HSD17B4: variants seen among roughly 807,000 people sequenced by gnomAD.
HSD17B4 encodes peroxisomal multifunctional enzyme type 2.
Under a neutral mutation model 101.0 loss-of-function variants are expected in HSD17B4, and 70 were observed. That is an observed-to-expected ratio of 0.69 (90% CI 0.57 to 0.85). HSD17B4 has a LOEUF of 0.85. HSD17B4 is among the 40% of genes least tolerant of loss of function. HSD17B4 has a pLI of 0.00. For missense variants in HSD17B4, 984 were observed against 892.4 expected, an observed-to-expected ratio of 1.10 and a Z score of -1.31; for synonymous variants, 347 against 297.1, an observed-to-expected ratio of 1.17 and a Z score of -1.73.
chr5:119,459,560 T>C (rs1243974927), intron 2 of HSD17B4, among the ~76,000 whole-genome samples: 1 of 152,192 alleles, frequency 6.6e-6, no homozygotes. Flanking sequence ...GGGTAATGTA[T>C]TTTAAAAAAG....
intron 2 of HSD17B4, among the ~76,000 whole-genome samples, chr5:119,461,590 C>T (rs1385795767): frequency 6.6e-6 from 1 of 151,954 alleles, no homozygotes; most frequent in Non-Finnish European, 1.5e-5. Flanking sequence ...TTTAGAATTC[C>T]TTGGATCCTG....
At chr5:119,475,785 A>G (rs773104281) in intron 5 of HSD17B4, 39 bp from the exon 6 acceptor site, 3 of 1,581,430 alleles carry the variant, frequency 1.9e-6, no homozygotes, top group African/African-American at 1.3e-5. Context: ...AAAAGTATAT[A>G]CTTTCCTCCT....
At chr5:119,541,848 A>G (rs1755018062) in intron 23 of HSD17B4, 57 bp from the exon 24 acceptor site, 1 of 1,037,316 alleles carries the variant, frequency 9.6e-7, no homozygotes, top group Non-Finnish European at 1.5e-6. Context: ...AAAAAAAAAA[A>G]GAAATAAACT....
chr5:119,516,218 A>G (rs988569619), intron 17 of HSD17B4, among the ~76,000 whole-genome samples: 2 of 152,108 alleles, frequency 1.3e-5, no homozygotes, highest in African/African-American at 2.4e-5. Context: ...ACTGTTTCTT[A>G]TGAATTTCTT....
At chr5:119,503,077 TGTGTG>T (rs1040565852) in intron 14 of HSD17B4, among the ~76,000 whole-genome samples, 6 of 42,454 alleles carry the variant, frequency 1.4e-4, no homozygotes, top group Admixed American at 3.9e-4. Context: ...CCTTGGAAAT[TGTGTG>T]TGTGTGTGTG....
chr5:119,463,655 CTT>C (rs57252147), intron 2 of HSD17B4, among the ~76,000 whole-genome samples: 838 of 29,324 alleles, frequency 0.029, 13 homozygotes, highest in East Asian at 0.24. Context: ...ATTTATATGT[CTT>C]TTTTTTTTTT....
At chr5:119,465,185 C>G (rs139210212) in intron 2 of HSD17B4, among the ~76,000 whole-genome samples, 2 of 152,230 alleles carry the variant, frequency 1.3e-5, no homozygotes, top group East Asian at 3.9e-4. Context: ...TTCTTCCAAT[C>G]CATGAATGGG....
intron 17 of HSD17B4, among the ~76,000 whole-genome samples, chr5:119,519,981 C>G (rs1443012702): frequency 6.6e-6 from 1 of 152,168 alleles, no homozygotes; most frequent in African/African-American, 2.4e-5. Context: ...GAAAAGACTC[C>G]TTTGAACTTT....
chr5:119,506,836 C>T lies in HSD17B4; in HGVS notation c.1280C>T (p.Ala427Val), dbSNP rs28943590. ...TTTCTAGGAAAATTAAAATGTGAAG[C>T]AGTTGTTGCTGATGTCCTAGATAAA... ...LPRAGKLKCE[A>V]VVADVLDKGS... The change falls in exon 15 of 24, where the codon GCA (alanine) becomes GTA (valine). Residue 427 changes from alanine (A) to valine (V), a missense_variant. Transcript: ENST00000510025. 6.3e-5 allele frequency: 99 copies of T among 1,581,978 alleles called. No individual in the cohort carries two copies. In the Admixed American group the frequency reaches 1.6e-3, roughly 25 times the overall value.
At chr5:119,525,794 A>G in intron 18 of HSD17B4, 123 bp from the exon 19 acceptor site, 1 of 696,526 alleles carries the variant, frequency 1.4e-6, no homozygotes, top group Non-Finnish European at 2.6e-6. Context: ...GTGTTTCTTA[A>G]AATAGATGGT....
At position 119,525,713 on chromosome 5, in the gene HSD17B4, G is replaced by GTT. The variant is rs748728829; in HGVS notation, c.1574-193_1574-192dup. 0.078 allele frequency: 37,477 copies of GTT among 479,958 alleles called. 2,216 individuals are homozygous for GTT. Among genetic ancestry groups the GTT allele is most frequent in the African/African-American group, 0.28 (13,335 of 48,272 alleles). 29.7% of individuals were successfully genotyped at this position (479,958 alleles called of 1,614,324 possible). On this transcript the variant is annotated intron_variant, in intron 18 of 23. Transcript: ENST00000510025. ...ATCTCTCACATTCTTTTCCTGTTTT[G>GTT]TTTTTTTTTTTTCTTTCTTTCTTTA... is the stretch of plus-strand genomic sequence containing the variant.
chr5:119,499,509 G>A lies in HSD17B4; in HGVS notation c.1165G>A (p.Gly389Arg), dbSNP rs1750961567. ...CATAGGTCAGAAATCTATGATGGGT[G>A]GAGGATTAGCAGAAATTCCTGGACT... is the stretch of plus-strand genomic sequence containing the variant. ...VIIGQKSMMG[G>R]GLAEIPGLSI... The change falls in exon 13 of 24, where the codon GGA (glycine) becomes AGA (arginine). Residue 389 changes from glycine to arginine, a missense_variant. Gly to Arg is a moderately radical substitution (Grantham distance 125). Transcript: ENST00000510025. 4 of 1,613,328 alleles carry A rather than the reference G, an allele frequency of 2.5e-6. No homozygotes were observed. Among genetic ancestry groups the A allele is most frequent in the Admixed American group, 1.7e-5 (1 of 59,988 alleles).
At chr5:119,499,173 T>A (rs1750921487) in intron 12 of HSD17B4, 144 bp from the exon 13 acceptor site, 1 of 633,052 alleles carries the variant, frequency 1.6e-6, no homozygotes, top group African/African-American at 1.8e-5. Context: ...TATTAAAAAA[T>A]AAAATATAAT....
intron 17 of HSD17B4, among the ~76,000 whole-genome samples, chr5:119,519,185 TTG>T (rs1226100336): frequency 6.6e-6 from 1 of 152,056 alleles, no homozygotes; most frequent in Non-Finnish European, 1.5e-5. Flanking sequence ...CAAGTGTACT[TTG>T]TAGTTTTTCA....
chr5:119,456,105 A>G (rs1333512743), intron 1 of HSD17B4, among the ~76,000 whole-genome samples: 1 of 152,194 alleles, frequency 6.6e-6, no homozygotes, highest in Non-Finnish European at 1.5e-5. Context: ...TGGTAGTAGA[A>G]TAGGTGGAAA....
At chr5:119,489,833 GT>G (rs139069434) in intron 9 of HSD17B4, among the ~76,000 whole-genome samples, 110 of 151,804 alleles carry the variant, frequency 7.2e-4, no homozygotes, top group Non-Finnish European at 1.3e-3. Context: ...GAACTTTTCT[GT>G]TTTTTTTATT....
chr5:119,509,578 C>A (rs1023441491), intron 16 of HSD17B4: 7 of 392,222 alleles, frequency 1.8e-5, no homozygotes, highest in Admixed American at 1.3e-4. Context: ...TTCTCAGAGA[C>A]AAGTGAATGT....
chr5:119,513,704 C>G (rs538681394), intron 16 of HSD17B4, among the ~76,000 whole-genome samples: 1 of 152,268 alleles, frequency 6.6e-6, no homozygotes, highest in East Asian at 1.9e-4. Flanking sequence ...GTAATCTAAA[C>G]TAGATACCAT....
In HSD17B4 at chr5:119,515,033, C is replaced by A; in HGVS notation, c.1490C>A (p.Thr497Asn). ...RPPDAVLTDT[T>N]SLNQAALYRL... The stretch of plus-strand genomic sequence containing the variant: ...CCTGATGCTGTACTTACAGATACCA[C>A]CTCTCTTAATCAGGTAAGATTGTAT... The change falls in exon 17 of 24, where the codon ACC (threonine) becomes AAC (asparagine). Residue 497 changes from threonine to asparagine, a missense_variant. By Grantham distance (65) the Thr-to-Asn change is moderately conservative (BLOSUM62 0). Transcript: ENST00000510025. 3.8e-6 allele frequency: 6 copies of A among 1,579,128 alleles called. No homozygotes were observed. Among genetic ancestry groups the A allele is most frequent in the Non-Finnish European group, 4.4e-6 (5 of 1,148,392 alleles).
Sources: allele counts gnomAD v4.1 joint callset (sites outside exome capture counted in the v4.1 genomes callset), GRCh38; gene constraint gnomAD v4.1.1; transcripts MANE v1.5; gene names NCBI Gene and HGNC (gene_info 2026-07-23, HGNC 2026-07-21).